The following GRIFIN variants were observed in gnomAD, a reference collection of about 807,000 sequenced individuals.
GRIFIN encodes putative grifin.
GRIFIN carries 22 observed loss-of-function variants against 18.2 expected under a neutral mutation model. The ratio of observed to expected loss-of-function variants is 1.21; its 90% confidence interval spans 0.86 to 1.73. GRIFIN has a LOEUF of 1.73. Among genes scored for constraint, GRIFIN ranks in the 40% most tolerant of loss-of-function variants. The pLI is 0.00. For missense variants in GRIFIN, 200 were observed against 190.1 expected (o/e 1.05, Z -0.31); for synonymous variants, 101 against 82.8 (o/e 1.22, Z -1.19).
chr7:2,475,575 T>C, intron 3 of GRIFIN, 94 bp downstream of exon 3: 1 of 1,411,550 alleles, frequency 7.1e-7, no homozygotes, highest in Non-Finnish European at 9.3e-7. Flanking sequence ...CCCACTGACC[T>C]GTAAGCGTCC....
intron 3 of GRIFIN, 26 bp downstream of exon 3, chr7:2,475,643 C>T (rs1420885732): frequency 6.8e-6 from 10 of 1,462,524 alleles, no homozygotes; most frequent in Middle Eastern, 3.6e-4. Flanking sequence ...CCTGCCTAGC[C>T]CAGGCCCCAC....
chr7:2,475,297 C>A lies in GRIFIN; in HGVS notation c.263G>T (p.Ser88Ile). Residue 88 changes from serine (S) to isoleucine (I), a missense_variant, in exon 4 of 5, where the codon AGC becomes ATC. By Grantham distance (142) the Ser-to-Ile change is moderately radical (BLOSUM62 -2). Coordinates refer to ENST00000614228, the MANE Select transcript of GRIFIN (RefSeq NM_001394787.1). Reference protein sequence around the residue: ...APGEPFEIEVSWDAEHFHVYA... With the variant: ...APGEPFEIEVIWDAEHFHVYA... ...GACGTGGAAGTGCTCCGCGTCCCAG[C>A]TGACCTCTATCTGGGCAGGCTGGGG... 1.3e-6 allele frequency: 2 copies of A among 1,593,366 alleles called. No individual in the cohort carries two copies. Among genetic ancestry groups the A allele is most frequent in the Non-Finnish European group, 1.7e-6 (2 of 1,177,504 alleles).
At chr7:2,474,975 G>A (rs1192354361) in intron 4 of GRIFIN, 90 bp from the exon 5 acceptor site, 10 of 765,804 alleles carry the variant, frequency 1.3e-5, no homozygotes, top group South Asian at 3.5e-5. Flanking sequence ...TCCCGTGGCC[G>A]GATATGCAGG....
chr7:2,475,182 G>A lies in GRIFIN; in HGVS notation c.378C>T (p.Cys126=). The change falls in exon 4 of 5, where the codon TGC becomes TGT. Residue 126 remains cysteine (C), a synonymous_variant. Coordinates refer to ENST00000614228, the MANE Select transcript of GRIFIN (RefSeq NM_001394787.1). ...TCTTGGCCAGCTCCACCTGGGCCAG[G>A]CAGTGGTCACTCAGCACGCGCACCC... The part of the protein sequence containing the change: ...TTRVRVLSDH[C]LAQVELAKRG... 1 of 1,592,754 alleles carries A rather than the reference G, an allele frequency of 6.3e-7. No individual in the cohort carries two copies. The highest frequency in any genetic ancestry group is 1.1e-5 in the South Asian group (1 of 89,886).
chr7:2,476,298 G>C, intron 1 of GRIFIN, 74 bp downstream of exon 1: 1 of 1,493,318 alleles, frequency 6.7e-7, no homozygotes, highest in Non-Finnish European at 9.0e-7. Context: ...TCTCTGTGCA[G>C]AGAGAGCACG....
chr7:2,475,982 C>G lies in GRIFIN; in HGVS notation c.30G>C (p.Ala10=), dbSNP rs763437975. MAVQSKAFC[A]GGLAPGWKLL... ...GCTTCCAGCCGGGGGCCAGGCCGCC[C>G]GCACAGAAGGCTTTAGACTGAGTGG... The change falls in exon 2 of 5, where the codon GCG becomes GCC. Residue 10 remains alanine (A), a synonymous_variant. Transcript: ENST00000614228. The G allele has an allele frequency of 1.3e-6, 2 of 1,597,928 alleles. No homozygotes were observed. The highest frequency in any genetic ancestry group is 1.7e-6 in the Non-Finnish European group (2 of 1,179,640).
intron 3 of GRIFIN, 95 bp from the exon 4 acceptor site, chr7:2,475,402 G>A (rs1778941666): frequency 2.1e-6 from 3 of 1,449,288 alleles, no homozygotes; most frequent in East Asian, 5.0e-5. Context: ...GCCGTCTCCA[G>A]GAAGGACAGC....
chr7:2,475,624 C>CG, intron 3 of GRIFIN, 45 bp downstream of exon 3: 1 of 1,441,324 alleles, frequency 6.9e-7, no homozygotes, highest in Non-Finnish European at 9.1e-7. Flanking sequence ...TGTTCCCCCA[C>CG]GGGCCTTCCC....
chr7:2,475,168 T>C lies in GRIFIN; in HGVS notation c.392A>G (p.Glu131Gly). The C allele has an allele frequency of 6.3e-7, 1 of 1,589,728 alleles. No individual in the cohort carries two copies. ...CCAGCTCAGGCCCCTCTTGGCCAGC[T>C]CCACCTGGGCCAGGCAGTGGTCACT... Reference protein sequence around the residue: ...VLSDHCLAQVELAKRGLSWGD... With the variant: ...VLSDHCLAQVGLAKRGLSWGD... Residue 131 changes from glutamate (E) to glycine (G), a missense_variant, in exon 4 of 5, where the codon GAG (glutamate) becomes GGG (glycine). By Grantham distance (98) the Glu-to-Gly change is moderately conservative (BLOSUM62 -2). Coordinates refer to ENST00000614228, the MANE Select transcript of GRIFIN (RefSeq NM_001394787.1).
At chr7:2,476,264 T>G in intron 1 of GRIFIN, 108 bp downstream of exon 1, 260 of 1,345,494 alleles carry the variant, frequency 1.9e-4, no homozygotes, top group Non-Finnish European at 2.4e-4. Context: ...TGAGATCTGA[T>G]GAGAGGCCAG....
intron 3 of GRIFIN, 45 bp from the exon 4 acceptor site, chr7:2,475,352 C>A: frequency 6.4e-7 from 1 of 1,552,264 alleles, no homozygotes; most frequent in Non-Finnish European, 8.7e-7. Flanking sequence ...CCCCCAGGGC[C>A]TGGGGTCTGG....
Position 2,475,613 on chromosome 7 carries a change from CT to C in GRIFIN, c.252+55del, listed in dbSNP as rs754553568. On this transcript the variant is annotated intron_variant, in intron 3 of 4. Coordinates refer to ENST00000614228, the MANE Select transcript of GRIFIN (RefSeq NM_001394787.1). ...CGTGAACCCGCTGCCCACTGGCCCCCTGTTCCCCCACGGGCCTTCCCTGCCT... is the reference window on the plus strand; with the variant it reads ...CGTGAACCCGCTGCCCACTGGCCCCCGTTCCCCCACGGGCCTTCCCTGCCT... The C allele has an allele frequency of 2.2e-5, 31 of 1,436,848 alleles. 1 individual carries two copies. The South Asian group carries it at 4.2e-4, about 20-fold the overall frequency. The allele number at this position is 1,436,848 out of a possible 1,614,324, so 89.0% of individuals were successfully genotyped here. A position where few individuals can be genotyped will look rare whatever the true frequency, so the allele number is the denominator to read the frequency against.
At chr7:2,475,462 C>T (rs1014754595) in intron 3 of GRIFIN, 155 bp from the exon 4 acceptor site, 2 of 1,208,240 alleles carry the variant, frequency 1.7e-6, no homozygotes, top group Non-Finnish European at 2.2e-6. Flanking sequence ...CCCAAAGTCC[C>T]CTCCTTTCTC....
chr7:2,475,203 C>T lies in GRIFIN; in HGVS notation c.357G>A (p.Val119=), dbSNP rs1235917132. ...RQRPLGATTR[V]RVLSDHCLAQ... The stretch of plus-strand genomic sequence containing the variant: ...CCAGGCAGTGGTCACTCAGCACGCG[C>T]ACCCTGGTGGTGGCGCCCAGCGGCC... Residue 119 remains valine, a synonymous_variant, in exon 4 of 5, where the codon GTG becomes GTA. Transcript: ENST00000614228. The T allele has an allele frequency of 2.5e-6, 4 of 1,595,642 alleles. No individual in the cohort carries two copies. The highest frequency in any genetic ancestry group is 3.4e-6 in the Non-Finnish European group (4 of 1,178,508).
intron 3 of GRIFIN, 169 bp from the exon 4 acceptor site, chr7:2,475,476 A>G (rs1583249242): frequency 2.5e-6 from 3 of 1,186,880 alleles, no homozygotes; most frequent in East Asian, 2.6e-5. Context: ...CTTTCTCCCA[A>G]GATGGGGTGG....
rs369616955 is a variant in GRIFIN, at chr7:2,476,338, C to T, written c.12+34G>A. The stretch of plus-strand genomic sequence containing the variant: ...GCTCAGGGAGCCCCCAGCCCTGCAC[C>T]GTTCTCCTTCTCCAGGTCCAGGGTC... On this transcript the variant is annotated intron_variant, in intron 1 of 4. Transcript: ENST00000614228. The T allele has an allele frequency of 3.3e-5, 51 of 1,562,394 alleles. No individual in the cohort carries two copies. In the African/African-American group the frequency reaches 5.7e-4, roughly 17 times the overall value.
chr7:2,475,776 G>A lies in GRIFIN; in HGVS notation c.145C>T (p.Pro49Ser), dbSNP rs767206796. The change falls in exon 3 of 5, where the codon CCC becomes TCC. Residue 49 changes from proline (P) to serine (S), a missense_variant. Coordinates refer to ENST00000614228, the MANE Select transcript of GRIFIN (RefSeq NM_001394787.1). ...ETGDIAFHIK[P>S]RFSSATVVGN... ...ACCACAGTGGCGCTGGAGAACCGGG[G>A]CTTGATGTGGAAGGCAATGTCCCCC... is the stretch of plus-strand genomic sequence containing the variant. 2 of 1,572,984 alleles carry A rather than the reference G, an allele frequency of 1.3e-6. No homozygotes were observed. The highest frequency in any genetic ancestry group is 3.5e-5 in the Admixed American group (2 of 57,860).
chr7:2,475,633 C>G (rs1369353976), intron 3 of GRIFIN, 36 bp downstream of exon 3: 6 of 1,447,386 alleles, frequency 4.1e-6, no homozygotes, highest in Non-Finnish European at 5.4e-6. Context: ...ACGGGCCTTC[C>G]CTGCCTAGCC....
chr7:2,475,656 A>G lies in GRIFIN; in HGVS notation c.252+13T>C. ...TCCCTGCCTAGCCCAGGCCCCACCCAGGCCCCTGTCACCTCAAAGGGCTCC... is the reference window on the plus strand; with the variant it reads ...TCCCTGCCTAGCCCAGGCCCCACCCGGGCCCCTGTCACCTCAAAGGGCTCC... On this transcript the variant is annotated intron_variant, in intron 3 of 4. Transcript: ENST00000614228. The G allele has an allele frequency of 1.4e-6, 2 of 1,478,222 alleles. No homozygotes were observed. Among genetic ancestry groups the G allele is most frequent in the Non-Finnish European group, 1.8e-6 (2 of 1,114,344 alleles). 91.6% of individuals were successfully genotyped at this position (1,478,222 alleles called of 1,614,324 possible).
Sources: gnomAD v4.1 joint callset for allele counts on GRCh38, gnomAD v4.1.1 for gene constraint, MANE v1.5 for transcripts, NCBI Gene and HGNC (gene_info 2026-07-23, HGNC 2026-07-21) for gene names.